Variants in ERC2 observed in about 807,000 individuals in gnomAD.
The protein encoded by ERC2 is ELKS/RAB6-interacting/CAST family member 2.
In ERC2, 42 loss-of-function variants were observed where a neutral mutation model predicts 114.8. The observed-to-expected ratio is 0.37, with a 90% CI of 0.29 to 0.47. The LOEUF (loss-of-function observed/expected upper bound fraction) is 0.47. ERC2 is among the 20% of genes least tolerant of loss of function. The pLI, the probability that ERC2 is intolerant of heterozygous loss-of-function variation, is 0.99. For missense variants in ERC2, 939 were observed against 1,150.7 expected, an observed-to-expected ratio of 0.82 and a Z score of 2.66; for synonymous variants, 454 against 425.5, an observed-to-expected ratio of 1.07 and a Z score of -0.82.
chr3:56,322,142 A>C (rs2057155717), intron 2 of ERC2, among the ~76,000 whole-genome samples: 1 of 152,236 alleles, frequency 6.6e-6, no homozygotes, highest in Non-Finnish European at 1.5e-5. Context: ...ACTACACTTC[A>C]CAATGTTAGT....
chr3:55,677,799 C>T (rs1264617540), intron 17 of ERC2, among the ~76,000 whole-genome samples: 1 of 152,120 alleles, frequency 6.6e-6, no homozygotes, highest in Non-Finnish European at 1.5e-5. Flanking sequence ...CATACATCCA[C>T]ATTGAAGCCT....
intron 17 of ERC2, among the ~76,000 whole-genome samples, chr3:55,531,267 C>T (rs899767209): frequency 1.3e-5 from 2 of 152,122 alleles, no homozygotes; most frequent in African/African-American, 4.8e-5. Context: ...GCAAGACTCC[C>T]ATTGGTTACC....
At chr3:56,047,379 C>A (rs1356698102) in intron 7 of ERC2, among the ~76,000 whole-genome samples, 1 of 152,254 alleles carries the variant, frequency 6.6e-6, no homozygotes, top group Non-Finnish European at 1.5e-5. Context: ...AGGTGCCATA[C>A]TGCAGGTCAC....
At chr3:56,439,202 G>C (rs1407961665) in intron 1 of ERC2, among the ~76,000 whole-genome samples, 3 of 152,156 alleles carry the variant, frequency 2.0e-5, no homozygotes, top group Admixed American at 2.0e-4. Context: ...GCTAGCTACT[G>C]AGGAGGCTGA....
At chr3:56,009,085 T>C (rs557507245) in intron 9 of ERC2, among the ~76,000 whole-genome samples, 1 of 152,356 alleles carries the variant, frequency 6.6e-6, no homozygotes, top group African/African-American at 2.4e-5. Flanking sequence ...TCATACAATG[T>C]TGGCATTATT....
At chr3:56,293,792 C>T (rs2055247823) in intron 3 of ERC2, among the ~76,000 whole-genome samples, 1 of 152,094 alleles carries the variant, frequency 6.6e-6, no homozygotes, top group Non-Finnish European at 1.5e-5. Context: ...CACACCAGAC[C>T]ATTGTGAGAA....
chr3:56,392,065 A>G lies in ERC2; in HGVS notation c.657+42286T>C, dbSNP rs144867022. Among the ~76,000 whole-genome samples the G allele has an allele frequency of 5.2e-3, 789 of 152,356 alleles. 4 individuals carry two copies. The highest frequency in any genetic ancestry group is 0.018 in the African/African-American group (737 of 41,588). On this transcript the variant is annotated intron_variant, in intron 2 of 17. Coordinates refer to ENST00000288221, the MANE Select transcript of ERC2 (RefSeq NM_015576.3). ...ATTAGAATCCTGTAGTGTAAATAAT[A>G]GCAAAGATGCTATCCTTTGCTGAAA...
At chr3:55,864,140 C>CATAT (rs57657343) in intron 14 of ERC2, among the ~76,000 whole-genome samples, 1 of 137,182 alleles carries the variant, frequency 7.3e-6, no homozygotes, top group East Asian at 2.0e-4. Flanking sequence ...TATATATATA[C>CATAT]ATATATATAT....
intron 14 of ERC2, among the ~76,000 whole-genome samples, chr3:55,840,925 G>A (rs964984752): frequency 1.5e-4 from 23 of 152,116 alleles, no homozygotes; most frequent in African/African-American, 5.6e-4. Context: ...GTGACATAAA[G>A]CAGATCAGTG....
At chr3:56,153,844 A>G (rs1436830593) in intron 4 of ERC2, among the ~76,000 whole-genome samples, 5 of 152,180 alleles carry the variant, frequency 3.3e-5, no homozygotes, top group African/African-American at 1.2e-4. Flanking sequence ...TTTCATTTTA[A>G]TATCAGGCCA....
intron 15 of ERC2, among the ~76,000 whole-genome samples, chr3:55,725,112 C>G (rs2064827226): frequency 6.6e-6 from 1 of 152,210 alleles, no homozygotes; most frequent in Admixed American, 6.5e-5. Flanking sequence ...GCCTGTTATT[C>G]TGATATGCTC....
intron 14 of ERC2, among the ~76,000 whole-genome samples, chr3:55,761,484 T>G (rs1357711566): frequency 3.9e-5 from 6 of 152,192 alleles, no homozygotes; most frequent in Non-Finnish European, 8.8e-5. Context: ...CCATGGGTTT[T>G]CTGTTGCAGC....
chr3:56,262,294 G>A (rs1004769986), intron 3 of ERC2, among the ~76,000 whole-genome samples: 10 of 152,188 alleles, frequency 6.6e-5, no homozygotes, highest in Admixed American at 2.6e-4. Flanking sequence ...ACCCACCACT[G>A]TGTCTGGCAC....
Position 55,836,373 on chromosome 3 carries a change from C to A in ERC2, c.2564+52016G>T, listed in dbSNP as rs561787919. Among the ~76,000 whole-genome samples the A allele has an allele frequency of 1.5e-3, 232 of 152,158 alleles. 1 individual carries two copies. The highest frequency in any genetic ancestry group is 2.1e-3 in the Non-Finnish European group (143 of 67,980). On this transcript the variant is annotated intron_variant, in intron 14 of 17. Transcript: ENST00000288221. ...AAACTATACTACAAGGCTACAGTAA[C>A]CAAAACAGCATGGTACTGGTACCAA...
At chr3:56,365,010 A>T (rs189470138) in intron 2 of ERC2, among the ~76,000 whole-genome samples, 1 of 152,356 alleles carries the variant, frequency 6.6e-6, no homozygotes, top group Non-Finnish European at 1.5e-5. Flanking sequence ...ACAATGGGAT[A>T]ATAATGTTAT....
At chr3:56,013,889 G>A in intron 8 of ERC2, among the ~76,000 whole-genome samples, 1 of 152,088 alleles carries the variant, frequency 6.6e-6, no homozygotes, top group East Asian at 1.9e-4. Context: ...TAGATGATAA[G>A]ATTATTTGGA....
chr3:56,154,992 A>C (rs899132758), intron 4 of ERC2, among the ~76,000 whole-genome samples: 1 of 152,204 alleles, frequency 6.6e-6, no homozygotes. Context: ...CTAATCCTAT[A>C]ACCTAAGTTT....
chr3:55,673,241 A>G (rs1445797287), intron 17 of ERC2, among the ~76,000 whole-genome samples: 3 of 152,218 alleles, frequency 2.0e-5, no homozygotes, highest in Non-Finnish European at 4.4e-5. Flanking sequence ...CTCTCTGAGA[A>G]GAAAACAGGC....
chr3:56,218,434 A>T (rs1350035407), intron 3 of ERC2, among the ~76,000 whole-genome samples: 1 of 152,362 alleles, frequency 6.6e-6, no homozygotes, highest in African/African-American at 2.4e-5. Context: ...TCAAAACCAC[A>T]ATGAGATACC....
Sources: gnomAD v4.1 joint callset for allele counts (sites outside exome capture counted in the v4.1 genomes callset) on GRCh38, gnomAD v4.1.1 for gene constraint, MANE v1.5 for transcripts, NCBI Gene and HGNC (gene_info 2026-07-23, HGNC 2026-07-21) for gene names.